Variants in NLGN1 observed in about 807,000 individuals in gnomAD.
NLGN1 encodes the protein neuroligin 1, also known as neuroligin-1.
A neutral mutation model predicts 65.5 loss-of-function variants in NLGN1; 12 were observed. The ratio of observed to expected loss-of-function variants is 0.18; its 90% CI spans 0.12 to 0.30. NLGN1 has a LOEUF of 0.30. Among genes scored for constraint, NLGN1 ranks in the 10% least tolerant of loss-of-function variants. The probability of loss-of-function intolerance (pLI) is 1.00; values close to 1 mark genes in which losing one functional copy is unlikely to be tolerated. For synonymous variants in NLGN1, 350 were observed against 359.5 expected (o/e 0.97, Z 0.30); for missense variants, 750 against 1,007.1 (o/e 0.74, Z 3.46).
chr3:174,044,175 A>T (rs1178526872), intron 4 of NLGN1, among the ~76,000 whole-genome samples: 1 of 152,168 alleles, frequency 6.6e-6, no homozygotes, highest in South Asian at 2.1e-4. Flanking sequence ...GGCCTGGCCC[A>T]CAACACCATT....
chr3:173,765,051 CATGTGTGT>C (rs1209437800), intron 3 of NLGN1, among the ~76,000 whole-genome samples: 12 of 87,948 alleles, frequency 1.4e-4, no homozygotes, highest in African/African-American at 4.2e-4. Context: ...GCTGTGGGTG[CATGTGTGT>C]GTGTGTGTGT....
At chr3:173,749,531 T>A (rs1235166287) in intron 3 of NLGN1, among the ~76,000 whole-genome samples, 1 of 152,050 alleles carries the variant, frequency 6.6e-6, no homozygotes, top group African/African-American at 2.4e-5. Context: ...TGAATGCCAA[T>A]CAATCAAACC....
chr3:173,827,465 G>T (rs1488824424), intron 4 of NLGN1, among the ~76,000 whole-genome samples: 7 of 151,744 alleles, frequency 4.6e-5, no homozygotes, highest in African/African-American at 1.7e-4. Context: ...AGTGTGGAGG[G>T]TCAGTACATG....
At chr3:173,576,747 A>G (rs1745558532) in intron 2 of NLGN1, among the ~76,000 whole-genome samples, 1 of 152,200 alleles carries the variant, frequency 6.6e-6, no homozygotes, top group Non-Finnish European at 1.5e-5. Context: ...CTTTTGCCAT[A>G]TAAAGTGGCA....
rs192112301 is a variant in NLGN1, at chr3:173,958,172, C to T, written c.646+150340C>T. On this transcript the variant is annotated intron_variant, in intron 4 of 6. Coordinates refer to ENST00000457714, the Ensembl canonical transcript of NLGN1. ...TTTCTCTCCTTTCCTTCTTGTCACC[C>T]GCAACATAGCGAGCAAGGGGCATGT... Among the ~76,000 whole-genome samples, 36 of 152,290 alleles carry T rather than the reference C, an allele frequency of 2.4e-4. No individual in the cohort carries two copies. The East Asian group carries it at 4.3e-3, about 18-fold the overall frequency.
chr3:173,495,322 A>G (rs1470424555), intron 2 of NLGN1, among the ~76,000 whole-genome samples: 12 of 151,734 alleles, frequency 7.9e-5, no homozygotes, highest in Non-Finnish European at 1.8e-4. Context: ...TACAATTTTT[A>G]TACATTAATA....
chr3:174,220,192 G>C (rs371976395), intron 4 of NLGN1, among the ~76,000 whole-genome samples: 1 of 152,094 alleles, frequency 6.6e-6, no homozygotes, highest in Non-Finnish European at 1.5e-5. Context: ...AAAAATCTAG[G>C]TGGTTTCAAG....
At chr3:173,825,465 G>A (rs1721156857) in intron 4 of NLGN1, among the ~76,000 whole-genome samples, 1 of 151,980 alleles carries the variant, frequency 6.6e-6, no homozygotes, top group African/African-American at 2.4e-5. Flanking sequence ...CCTTTGTAGT[G>A]ATTAATATTA....
At chr3:173,795,350 A>G (rs921058705) in intron 3 of NLGN1, among the ~76,000 whole-genome samples, 2 of 152,084 alleles carry the variant, frequency 1.3e-5, no homozygotes, top group Admixed American at 6.6e-5. Context: ...TTCCCCTTTA[A>G]CTGAAACATT....
At chr3:173,594,118 A>G (rs1247249714) in intron 2 of NLGN1, among the ~76,000 whole-genome samples, 2 of 152,112 alleles carry the variant, frequency 1.3e-5, no homozygotes, top group East Asian at 3.9e-4. Flanking sequence ...TTCAAAACCA[A>G]TCATGCCTTC....
At chr3:173,852,923 C>A (rs1273815410) in intron 4 of NLGN1, among the ~76,000 whole-genome samples, 2 of 152,120 alleles carry the variant, frequency 1.3e-5, no homozygotes, top group Non-Finnish European at 2.9e-5. Flanking sequence ...ACTGATAGAG[C>A]GTAGATAAAG....
intron 2 of NLGN1, among the ~76,000 whole-genome samples, chr3:173,452,512 A>G (rs1721784668): frequency 6.6e-6 from 1 of 151,888 alleles, no homozygotes; most frequent in African/African-American, 2.4e-5. Context: ...TTCACATTCA[A>G]ATTTTCTTAT....
chr3:173,824,313 T>C (rs1720905905), intron 4 of NLGN1, among the ~76,000 whole-genome samples: 1 of 152,154 alleles, frequency 6.6e-6, no homozygotes, highest in Admixed American at 6.6e-5. Flanking sequence ...TTGGTACTTG[T>C]ACAATCTTCA....
At chr3:174,268,664 C>T (rs997515758) in intron 4 of NLGN1, among the ~76,000 whole-genome samples, 2 of 152,046 alleles carry the variant, frequency 1.3e-5, no homozygotes, top group African/African-American at 2.4e-5. Flanking sequence ...CACCTCTTTA[C>T]CTTGTAGATG....
At chr3:174,234,543 C>A (rs1050992172) in intron 4 of NLGN1, among the ~76,000 whole-genome samples, 1 of 152,202 alleles carries the variant, frequency 6.6e-6, no homozygotes, top group African/African-American at 2.4e-5. Flanking sequence ...CTTGAGCCCA[C>A]TTGCCCAACT....
At chr3:173,870,158 A>G (rs1188926123) in intron 4 of NLGN1, among the ~76,000 whole-genome samples, 1 of 152,210 alleles carries the variant, frequency 6.6e-6, no homozygotes, top group Non-Finnish European at 1.5e-5. Context: ...ATTATTATAC[A>G]TGTAATGAAT....
At chr3:173,743,714 G>A (rs111713181) in intron 3 of NLGN1, among the ~76,000 whole-genome samples, 5 of 152,168 alleles carry the variant, frequency 3.3e-5, no homozygotes, top group African/African-American at 1.2e-4. Flanking sequence ...GCCTTTCATT[G>A]GACAGTTCGT....
chr3:174,000,491 C>T (rs1181582861), intron 4 of NLGN1, among the ~76,000 whole-genome samples: 1 of 152,092 alleles, frequency 6.6e-6, no homozygotes, highest in Non-Finnish European at 1.5e-5. Context: ...ATCCTACCTT[C>T]TTTTGGATTC....
chr3:174,234,159 G>A (rs1657506511), intron 4 of NLGN1, among the ~76,000 whole-genome samples: 1 of 152,112 alleles, frequency 6.6e-6, no homozygotes, highest in South Asian at 2.1e-4. Context: ...ACTGAGGCAA[G>A]TTTTAGAGTA....
Sources: allele counts gnomAD v4.1 joint callset (sites outside exome capture counted in the v4.1 genomes callset), GRCh38; gene constraint gnomAD v4.1.1; transcripts MANE v1.5; gene names NCBI Gene and HGNC (gene_info 2026-07-23, HGNC 2026-07-21).